COL22A1: variants seen among roughly 807,000 people sequenced by gnomAD.
COL22A1 encodes the protein collagen type XXII alpha 1 chain, also known as collagen alpha-1(XXII) chain.
A neutral mutation model predicts 248.9 loss-of-function variants in COL22A1; 221 were observed. The ratio of observed to expected loss-of-function variants is 0.89; its 90% CI spans 0.80 to 0.99. COL22A1 has a LOEUF of 0.99. Ranked by LOEUF, COL22A1 falls within the 50% of genes least tolerant of loss-of-function variation. The probability of loss-of-function intolerance (pLI) is 0.00; values close to 1 mark genes in which losing one functional copy is unlikely to be tolerated. For missense variants in COL22A1, 2,240 were observed against 2,179.0 expected, an observed-to-expected ratio of 1.03 and a Z score of -0.56; for synonymous variants, 891 against 793.4, an observed-to-expected ratio of 1.12 and a Z score of -2.07.
intron 1 of COL22A1, among the ~76,000 whole-genome samples, chr8:138,906,522 T>C (rs950988294): frequency 6.6e-5 from 10 of 152,204 alleles, no homozygotes; most frequent in African/African-American, 2.4e-4. Flanking sequence ...ATAAATGAGT[T>C]GAAGTGTCTC....
intron 7 of COL22A1, among the ~76,000 whole-genome samples, chr8:138,817,732 G>A (rs1404062130): frequency 6.6e-6 from 1 of 152,186 alleles, no homozygotes; most frequent in Non-Finnish European, 1.5e-5. Context: ...ATGTGAAGAT[G>A]GTGGTGATGA....
chr8:138,870,060 G>A (rs1435909047), intron 3 of COL22A1, among the ~76,000 whole-genome samples: 4 of 151,788 alleles, frequency 2.6e-5, no homozygotes, highest in Non-Finnish European at 4.4e-5. Context: ...GTGGGCACAT[G>A]GATATAATAT....
intron 60 of COL22A1, among the ~76,000 whole-genome samples, chr8:138,600,343 G>T (rs1255953805): frequency 6.6e-6 from 1 of 152,218 alleles, no homozygotes; most frequent in Non-Finnish European, 1.5e-5. Context: ...TCGTAAATGT[G>T]TGGCATGGCT....
At chr8:138,749,657 T>C (rs1027956779) in intron 22 of COL22A1, among the ~76,000 whole-genome samples, 4 of 152,168 alleles carry the variant, frequency 2.6e-5, no homozygotes, top group Admixed American at 2.0e-4. Context: ...TTCCCCACTG[T>C]AGCAAGAAGT....
intron 23 of COL22A1, among the ~76,000 whole-genome samples, 161 bp downstream of exon 23, chr8:138,737,363 G>A (rs1586610810): frequency 1.3e-5 from 2 of 152,206 alleles, no homozygotes; most frequent in African/African-American, 2.4e-5. Context: ...GACAGCACAG[G>A]AGGAGGGAGG....
At chr8:138,595,956 A>T (rs1817505256) in intron 62 of COL22A1, among the ~76,000 whole-genome samples, 1 of 152,230 alleles carries the variant, frequency 6.6e-6, no homozygotes, top group Admixed American at 6.5e-5. Context: ...GTGATGAAGA[A>T]CACAGAACCT....
At chr8:138,603,971 G>T (rs1229097561) in intron 59 of COL22A1, among the ~76,000 whole-genome samples, 1 of 152,150 alleles carries the variant, frequency 6.6e-6, no homozygotes, top group Non-Finnish European at 1.5e-5. Flanking sequence ...TCTAGTCTGT[G>T]CTGGTCTCCT....
intron 3 of COL22A1, among the ~76,000 whole-genome samples, chr8:138,852,788 T>C (rs1821740812): frequency 6.6e-6 from 1 of 151,720 alleles, no homozygotes; most frequent in Non-Finnish European, 1.5e-5. Flanking sequence ...GCAGTGTATG[T>C]GGAGGGAGTG....
chr8:138,620,661 G>T (rs1414005521), intron 52 of COL22A1: 1 of 152,158 alleles, frequency 6.6e-6, no homozygotes, highest in African/African-American at 2.4e-5. Context: ...GGAACAACCA[G>T]CAGCTACTGA....
intron 1 of COL22A1, among the ~76,000 whole-genome samples, chr8:138,902,739 TACACACACACAC>T (rs35023865): frequency 5.3e-5 from 5 of 93,884 alleles, no homozygotes; most frequent in South Asian, 9.0e-4. Context: ...TATATATATA[TACACACACACAC>T]ACACACACAC....
chr8:138,762,790 T>C (rs1833597183), intron 16 of COL22A1, among the ~76,000 whole-genome samples: 1 of 152,182 alleles, frequency 6.6e-6, no homozygotes, highest in African/African-American at 2.4e-5. Flanking sequence ...AAGCCATGGG[T>C]GAGTGGGGTC....
rs575286044 is a variant in COL22A1, at chr8:138,658,152, A to G, written c.3286-2208T>C. The stretch of plus-strand genomic sequence containing the variant: ...TCCAGGTGGGTGCAGCACTGGAGAA[A>G]CACTTTGGGTCACTCTCTCCACCCA... On this transcript the variant is annotated intron_variant, in intron 44 of 64. Transcript: ENST00000303045. Among the ~76,000 whole-genome samples, 3 of 152,248 alleles carry G rather than the reference A, an allele frequency of 2.0e-5. No homozygotes were observed. In the East Asian group the frequency reaches 5.8e-4, roughly 30 times the overall value.
At chr8:138,908,782 CA>C (rs1815214569) in intron 1 of COL22A1, among the ~76,000 whole-genome samples, 1 of 152,052 alleles carries the variant, frequency 6.6e-6, no homozygotes, top group South Asian at 2.1e-4. Context: ...CTATCATAGG[CA>C]AAAAGATCTA....
rs542790412 is a variant in COL22A1 at position 138,856,083 on chromosome 8, G to A, written c.659-11925C>T. Among the ~76,000 whole-genome samples, 6 of 152,330 alleles carry A rather than the reference G, an allele frequency of 3.9e-5. No individual in the cohort carries two copies. In the East Asian group the frequency reaches 7.7e-4, roughly 20 times the overall value. ...AAAAAGGGGCCGTGCCTAGAGCTTC[G>A]GAGGGGGGCCTGCTCATTAGCAGCT... On this transcript the variant is annotated intron_variant, in intron 3 of 64. Coordinates refer to ENST00000303045, the MANE Select transcript of COL22A1 (RefSeq NM_152888.3).
intron 56 of COL22A1, among the ~76,000 whole-genome samples, chr8:138,609,694 T>C (rs957645972): frequency 5.3e-5 from 8 of 152,222 alleles, no homozygotes; most frequent in Non-Finnish European, 1.2e-4. Flanking sequence ...CTTCTTTCTC[T>C]AATCTTCCCT....
rs947601551 is a variant in COL22A1 at position 138,616,020 on chromosome 8, T to G, written c.3905A>C (p.Glu1302Ala). The change falls in exon 55 of 65, where the codon GAA (glutamate) becomes GCA (alanine). Residue 1302 changes from glutamate (E) to alanine (A), a missense_variant. Transcript: ENST00000303045. ...ESGAMGLPGQ[E>A]GLPGKDGDTG... ...ACTTACATCTTTTCCTGGTAACCCT[T>G]CCTGACCAGGAAGCCCCATGGCACC... 2 of 1,613,272 alleles carry G rather than the reference T, an allele frequency of 1.2e-6. No homozygotes were observed. Among genetic ancestry groups the G allele is most frequent in the African/African-American group, 2.7e-5 (2 of 74,846 alleles).
rs139340666 is a variant in COL22A1 at position 138,801,695 on chromosome 8, G to A, written c.1557+1177C>T. The stretch of plus-strand genomic sequence containing the variant: ...GGAGTTTGAGACCAGCCTGGCCAAC[G>A]TGGTGAAACTCCATCTCTAATAAAA... On this transcript the variant is annotated intron_variant, in intron 11 of 64. Coordinates refer to ENST00000303045, the MANE Select transcript of COL22A1 (RefSeq NM_152888.3). Among the ~76,000 whole-genome samples, 1,443 of 152,104 alleles carry A rather than the reference G, an allele frequency of 9.5e-3. 17 individuals carry two copies. Among genetic ancestry groups the A allele is most frequent in the African/African-American group, 0.033 (1,349 of 41,484 alleles).
intron 5 of COL22A1, among the ~76,000 whole-genome samples, chr8:138,830,873 T>C (rs776809903): frequency 2.2e-4 from 33 of 152,158 alleles, no homozygotes; most frequent in Non-Finnish European, 4.4e-4. Flanking sequence ...AAACAGGGTG[T>C]AGACTCTGCT....
intron 60 of COL22A1, among the ~76,000 whole-genome samples, chr8:138,600,119 C>T (rs187062080): frequency 4.6e-5 from 7 of 152,266 alleles, no homozygotes; most frequent in South Asian, 4.1e-4. Flanking sequence ...GCTGGAAGTG[C>T]GGGACCAATG....
Sources: allele counts gnomAD v4.1 joint callset (sites outside exome capture counted in the v4.1 genomes callset), GRCh38; gene constraint gnomAD v4.1.1; transcripts MANE v1.5; gene names NCBI Gene and HGNC (gene_info 2026-07-23, HGNC 2026-07-21).